MYBPC3: variants seen among roughly 807,000 people sequenced by gnomAD.
MYBPC3 encodes the protein myosin binding protein C3.
Under a neutral mutation model 159.3 loss-of-function variants are expected in MYBPC3, and 108 were observed. That is an observed-to-expected ratio of 0.68 (90% CI 0.58 to 0.80). The LOEUF is 0.80. MYBPC3 is among the 30% of genes least tolerant of loss of function. The pLI, the probability that MYBPC3 is intolerant of heterozygous loss-of-function variation, is 0.00. For synonymous variants in MYBPC3, 730 were observed against 702.0 expected (o/e 1.04, Z -0.63); for missense variants, 1,631 against 1,762.1 (o/e 0.93, Z 1.33).
chr11:47,347,538 G>A, intron 8 of MYBPC3, 59 bp from the exon 9 acceptor site: 9 of 1,567,548 alleles, frequency 5.7e-6, no homozygotes, highest in Non-Finnish European at 7.8e-6. Context: ...ATTAGGAGCA[G>A]GATGGGAGTG....
intron 12 of MYBPC3, among the ~76,000 whole-genome samples, chr11:47,343,843 C>T (rs1266409385): frequency 6.6e-6 from 1 of 152,232 alleles, no homozygotes; most frequent in Non-Finnish European, 1.5e-5. Context: ...GGCTGGAGTG[C>T]AATGGCGCCA....
chr11:47,344,091 T>C (rs2142862726), intron 12 of MYBPC3, among the ~76,000 whole-genome samples: 1 of 152,326 alleles, frequency 6.6e-6, no homozygotes, highest in South Asian at 2.1e-4. Flanking sequence ...TTTCTTTATC[T>C]GTGTCTATGT....
At chr11:47,335,784 G>A in intron 26 of MYBPC3, 93 bp downstream of exon 26, 1 of 1,159,008 alleles carries the variant, frequency 8.6e-7, no homozygotes, top group Non-Finnish European at 1.1e-6. Context: ...GGCAAAAGTG[G>A]GCCTAAAAAA....
Position 47,333,262 on chromosome 11 carries a change from G to T in MYBPC3, c.3262C>A (p.Pro1088Thr). Residue 1088 changes from proline (P) to threonine (T), a missense_variant, in exon 30 of 35, where the codon CCA (proline) becomes ACA (threonine). Coordinates refer to ENST00000545968, the MANE Select transcript of MYBPC3 (RefSeq NM_000256.3). ...TCCGTGTTGCCGACATCCTGGGGTG[G>T]CTTCCACTCCAGAGCCACATTAAGA... ...WGLNVALEWK[P>T]PQDVGNTELW... The T allele has an allele frequency of 6.3e-7, 1 of 1,587,548 alleles. No individual in the cohort carries two copies. The highest frequency in any genetic ancestry group is 8.6e-7 in the Non-Finnish European group (1 of 1,166,562).
chr11:47,350,086 GA>G lies in MYBPC3; in HGVS notation c.432del (p.Pro145LeufsTer14). 1 of 1,558,976 alleles carries G rather than the reference GA, an allele frequency of 6.4e-7. No individual in the cohort carries two copies. The highest frequency in any genetic ancestry group is 8.7e-7 in the Non-Finnish European group (1 of 1,151,168). Reference protein sequence around the residue: ...PKGSSSAALNGPTPGAPDDPI... With the variant: ...PKGSSSAALNXPTPGAPDDPI... ...GGGTCATCGGGGGCTCCAGGGGTAG[GA>G]CCATTGAGAGCTGCTGAGCTTGACC... On this transcript the variant is annotated frameshift_variant, in exon 4 of 35. Coordinates refer to ENST00000545968, the MANE Select transcript of MYBPC3 (RefSeq NM_000256.3). LOFTEE classifies it high-confidence loss of function.
intron 9 of MYBPC3, 106 bp downstream of exon 9, chr11:47,347,320 G>C: frequency 2.6e-6 from 4 of 1,543,308 alleles, no homozygotes. Context: ...AACCAACTCA[G>C]AGAGGTGCAG....
chr11:47,344,889 C>T (rs2095892646), intron 12 of MYBPC3, among the ~76,000 whole-genome samples: 1 of 152,196 alleles, frequency 6.6e-6, no homozygotes, highest in Non-Finnish European at 1.5e-5. Flanking sequence ...CTCCCGGGTT[C>T]AAGTGATTCT....
chr11:47,343,921 T>C (rs1169380493), intron 12 of MYBPC3, among the ~76,000 whole-genome samples: 3 of 152,232 alleles, frequency 2.0e-5, no homozygotes, highest in Non-Finnish European at 4.4e-5. Flanking sequence ...CCCGAGTAGC[T>C]GGGATTACAG....
chr11:47,344,465 C>T (rs532762544), intron 12 of MYBPC3, among the ~76,000 whole-genome samples: 67 of 152,302 alleles, frequency 4.4e-4, no homozygotes, highest in Non-Finnish European at 7.6e-4. Context: ...TGAGCCCAGC[C>T]CTGCTCCACA....
rs1444742004 is a variant in MYBPC3, at chr11:47,350,740, C to T, written c.293-125G>A. The T allele has an allele frequency of 1.8e-5, 25 of 1,351,904 alleles. No individual in the cohort carries two copies. In the East Asian group the frequency reaches 5.4e-4, roughly 29 times the overall value. The allele number at this position is 1,351,904 out of a possible 1,614,324, so 83.7% of individuals were successfully genotyped here. A position where few individuals can be genotyped will look rare whatever the true frequency, so the allele number is the denominator to read the frequency against. ...GGAAAGTCTGCCATGGCTGTCCTCC[C>T]GCTGCCTGGGCCCCTCAGAGGCAGC... On this transcript the variant is annotated intron_variant, in intron 2 of 34. Transcript: ENST00000545968.
In MYBPC3 at chr11:47,347,661, G is replaced by T. The variant is rs371711564; in HGVS notation, c.841C>A (p.Arg281=). The T allele has an allele frequency of 4.4e-6, 7 of 1,574,476 alleles. No homozygotes were observed. Among genetic ancestry groups the T allele is most frequent in the Non-Finnish European group, 6.0e-6 (7 of 1,160,410 alleles). The change falls in exon 8 of 35, where the codon CGG becomes AGG. Residue 281 remains arginine (R), a synonymous_variant. Transcript: ENST00000545968. ...FRRTSLAGGG[R]RISDSHEDTG... ...CTGGGGCAGGGGTACCTGATCCGCC[G>T]ACCACCTCCAGCCAGGCTCCTGTGG...
rs754218576 is a variant in MYBPC3, at chr11:47,347,492, AC to A, written c.852-14del. ...CTCATGGCTATCACTATGGAGAGGG[AC>A]CCCCAGTGAGGCTGCAGTGAGGGAC... On this transcript the variant is annotated splice_polypyrimidine_tract_variant and intron_variant, in intron 8 of 34. Coordinates refer to ENST00000545968, the MANE Select transcript of MYBPC3 (RefSeq NM_000256.3). 2 of 1,594,180 alleles carry A rather than the reference AC, an allele frequency of 1.3e-6. No individual in the cohort carries two copies. Among genetic ancestry groups the A allele is most frequent in the Non-Finnish European group, 1.7e-6 (2 of 1,170,698 alleles).
intron 34 of MYBPC3, 39 bp from the exon 35 acceptor site, chr11:47,331,755 C>G: frequency 1.1e-5 from 15 of 1,337,034 alleles, no homozygotes; most frequent in Non-Finnish European, 1.5e-5. Context: ...TGGAGGGCCC[C>G]TACAGCCTCC....
rs761696555 is a variant in MYBPC3 at position 47,334,001 on chromosome 11, C to T, written c.2915G>A (p.Arg972Gln). ...VTVQEILQRP[R>Q]LQLPRHLRQT... ...GCGCAGGTGCCTGGGCAGCTGAAGC[C>T]GTGGCCGTTCTGTGGGTATAGAGTG... is the stretch of plus-strand genomic sequence containing the variant. The change falls in exon 28 of 35, where the codon CGG (arginine) becomes CAG (glutamine). Residue 972 changes from arginine to glutamine, a missense_variant. By Grantham distance (43) the Arg-to-Gln change is conservative. Transcript: ENST00000545968. 1.1e-5 allele frequency: 17 copies of T among 1,576,302 alleles called. No individual in the cohort carries two copies. The highest frequency in any genetic ancestry group is 9.2e-5 in the Admixed American group (5 of 54,438).
In MYBPC3 at chr11:47,337,709, A is replaced by G. The variant is rs970928136; in HGVS notation, c.2394T>C (p.Asp798=). 1.1e-5 allele frequency: 17 copies of G among 1,576,224 alleles called. No homozygotes were observed. Among genetic ancestry groups the G allele is most frequent in the Non-Finnish European group, 1.4e-5 (16 of 1,161,032 alleles). ...CTVQWEPPAY[D]GGQPILGYIL... ...ACTCACCCAGGATGGGCTGCCCGCCATCGTAGGCAGGCGGCTCCCACTGTA... is the reference window on the plus strand; with the variant it reads ...ACTCACCCAGGATGGGCTGCCCGCCGTCGTAGGCAGGCGGCTCCCACTGTA... Residue 798 remains aspartate, a synonymous_variant, in exon 24 of 35, where the codon GAT becomes GAC. Transcript: ENST00000545968.
chr11:47,334,135 C>T lies in MYBPC3; in HGVS notation c.2906-125G>A. 5 of 905,838 alleles carry T rather than the reference C, an allele frequency of 5.5e-6. No homozygotes were observed. In the South Asian group the frequency reaches 8.4e-5, roughly 15 times the overall value. The allele number at this position is 905,838 out of a possible 1,614,324, so 56.1% of individuals were successfully genotyped here. On this transcript the variant is annotated intron_variant, in intron 27 of 34. Transcript: ENST00000545968. Reference sequence around the variant, plus strand: ...TAAGAAAAAAGCTGCCTGCTGGGCCCTGCGCCTCCTTTAGCTCCTGCTAAC... The same window carrying T: ...TAAGAAAAAAGCTGCCTGCTGGGCCTTGCGCCTCCTTTAGCTCCTGCTAAC...
intron 16 of MYBPC3, 24 bp from the exon 17 acceptor site, chr11:47,342,768 G>A: frequency 6.2e-7 from 1 of 1,613,468 alleles, no homozygotes; most frequent in East Asian, 2.2e-5. Context: ...TGGGTGGCAA[G>A]TGCTGTGGCC....
Position 47,332,509 on chromosome 11 carries a change from C to A in MYBPC3, c.3627+57G>T. On this transcript the variant is annotated intron_variant, in intron 32 of 34. Transcript: ENST00000545968. This position sits in a 1 kb window ranked among gnomAD's most constrained non-coding sequence, Gnocchi z 4.2. ...GGCTGGGGAGAGGACTGCTCAACGT[C>A]GGGGCCTGTGAGCCCTGCCTCCTGG... is the stretch of plus-strand genomic sequence containing the variant. 2 of 1,573,616 alleles carry A rather than the reference C, an allele frequency of 1.3e-6. No homozygotes were observed. Among genetic ancestry groups the A allele is most frequent in the Non-Finnish European group, 1.7e-6 (2 of 1,157,718 alleles).
chr11:47,338,558 A>G lies in MYBPC3; in HGVS notation c.2270T>C (p.Val757Ala), dbSNP rs1386745914. 1 of 1,613,836 alleles carries G rather than the reference A, an allele frequency of 6.2e-7. No individual in the cohort carries two copies. The highest frequency in any genetic ancestry group is 2.2e-5 in the East Asian group (1 of 44,882). ...TGTGAGGTTGACCTGGTCCTCGCCC[A>G]CAGGGTTCTTCACTGTGACCGTGTA... ...GVYTVTVKNP[V>A]GEDQVNLTVK... The change falls in exon 23 of 35, where the codon GTG becomes GCG. Residue 757 changes from valine (V) to alanine (A), a missense_variant. Coordinates refer to ENST00000545968, the MANE Select transcript of MYBPC3 (RefSeq NM_000256.3). The surrounding 1 kb of genome is among the most constrained non-coding windows in gnomAD (Gnocchi z 4.7).
Sources: allele counts gnomAD v4.1 joint callset (sites outside exome capture counted in the v4.1 genomes callset), GRCh38; gene constraint gnomAD v4.1.1; non-coding constraint Gnocchi (gnomAD v3.1); transcripts MANE v1.5; gene names NCBI Gene and HGNC (gene_info 2026-07-23, HGNC 2026-07-21).